Variants in RSL1D1 observed in about 807,000 individuals in gnomAD.
RSL1D1 encodes the protein ribosomal L1 domain-containing protein 1.
Under a neutral mutation model 44.6 loss-of-function variants are expected in RSL1D1, and 34 were observed. That is an observed-to-expected ratio of 0.76 (90% CI 0.58 to 1.02). RSL1D1 has a LOEUF of 1.02. Ranked by LOEUF, RSL1D1 falls within the 50% of genes least tolerant of loss-of-function variation. The probability of loss-of-function intolerance (pLI) is 0.00; values close to 1 mark genes in which losing one functional copy is unlikely to be tolerated. For synonymous variants in RSL1D1, 271 were observed against 207.4 expected, an observed-to-expected ratio of 1.31 and a Z score of -2.63; for missense variants, 767 against 568.1, an observed-to-expected ratio of 1.35 and a Z score of -3.56.
Position 11,851,472 on chromosome 16 carries a change from G to C in RSL1D1, c.41C>G (p.Ala14Gly). 2.5e-6 allele frequency: 4 copies of C among 1,614,082 alleles called. No homozygotes were observed. Among genetic ancestry groups the C allele is most frequent in the Non-Finnish European group, 2.5e-6 (3 of 1,179,986 alleles). ...SASASLSSAA[A>G]TGTSTSTPAA... is the part of the protein sequence containing the mutation. ...TGGAGTCGAGGTGGAGGTTCCAGTA[G>C]CGGCTGCAGAAGACAGCGAGGCCGA... Residue 14 changes from alanine (A) to glycine (G), a missense_variant, in exon 1 of 9, where the codon GCT becomes GGT. Coordinates refer to ENST00000571133, the MANE Select transcript of RSL1D1 (RefSeq NM_015659.3).
intron 1 of RSL1D1, 34 bp from the exon 2 acceptor site, chr16:11,850,452 G>A: frequency 6.3e-7 from 1 of 1,581,082 alleles, no homozygotes; most frequent in Non-Finnish European, 8.6e-7. Context: ...TAAGTGAAAT[G>A]TTTTCACAAT....
chr16:11,842,685 T>G (rs2053770881), intron 5 of RSL1D1, among the ~76,000 whole-genome samples: 1 of 151,942 alleles, frequency 6.6e-6, no homozygotes, highest in Admixed American at 6.6e-5. Flanking sequence ...AAATATGTTT[T>G]AAAGGAAGAT....
chr16:11,846,973 T>C (rs1245920456), intron 3 of RSL1D1, 130 bp from the exon 4 acceptor site: 34 of 760,588 alleles, frequency 4.5e-5, no homozygotes, highest in Non-Finnish European at 6.9e-5. Flanking sequence ...TAATGAACAC[T>C]TGAGGGCCTA....
Position 11,851,435 on chromosome 16 carries a change from T to C in RSL1D1, c.78A>G (p.Thr26=), listed in dbSNP as rs1439319365. ...GTTCTTTATCCAGCTGCTTCCGTGC[T>C]GTCGGGGCCGCTGGAGTCGAGGTGG... ...GTSTSTPAAP[T]ARKQLDKEQV... The change falls in exon 1 of 9, where the codon ACA becomes ACG. Residue 26 remains threonine, a synonymous_variant. Transcript: ENST00000571133. The C allele has an allele frequency of 1.2e-6, 2 of 1,614,020 alleles. No individual in the cohort carries two copies. The highest frequency in any genetic ancestry group is 1.1e-5 in the South Asian group (1 of 91,090).
intron 6 of RSL1D1, 24 bp from the exon 7 acceptor site, chr16:11,841,844 T>C (rs764784833): frequency 6.2e-7 from 1 of 1,612,994 alleles, no homozygotes; most frequent in Non-Finnish European, 8.5e-7. Context: ...AAGAGTAACA[T>C]CGTCTACATA....
At chr16:11,846,975 G>C (rs576553062) in intron 3 of RSL1D1, 132 bp from the exon 4 acceptor site, 1 of 761,208 alleles carries the variant, frequency 1.3e-6, no homozygotes, top group African/African-American at 1.7e-5. Flanking sequence ...ATGAACACTT[G>C]AGGGCCTAAA....
chr16:11,836,223 G>C lies in RSL1D1; in HGVS notation c.*1564C>G, dbSNP rs892033809. On this transcript the variant is annotated 3_prime_UTR_variant, in exon 9 of 9. Transcript: ENST00000571133. ...CGGCCTTCACAGCCTCCACCATCCC[G>C]ATGGTCTGCTGGTCCTACTTCTCTC... is the stretch of plus-strand genomic sequence containing the variant. The C allele has an allele frequency of 2.0e-5, 3 of 152,166 alleles. No individual in the cohort carries two copies. The highest frequency in any genetic ancestry group is 2.1e-4 in the South Asian group (1 of 4,822). 9.4% of individuals were successfully genotyped at this position (152,166 alleles called of 1,614,324 possible).
intron 5 of RSL1D1, 70 bp from the exon 6 acceptor site, chr16:11,842,070 G>A: frequency 1.8e-6 from 2 of 1,100,552 alleles, no homozygotes; most frequent in East Asian, 2.5e-5. Flanking sequence ...GCAGGTATAT[G>A]AGAAATATAA....
intron 2 of RSL1D1, chr16:11,849,482 C>A (rs1260324338): frequency 6.6e-6 from 1 of 151,724 alleles, no homozygotes; most frequent in African/African-American, 2.4e-5. Context: ...CCACATCTTA[C>A]AGAAAATAAA....
At chr16:11,841,551 C>A in intron 7 of RSL1D1, 144 bp downstream of exon 7, 1 of 684,674 alleles carries the variant, frequency 1.5e-6, no homozygotes, top group Non-Finnish European at 2.4e-6. Flanking sequence ...CCCATTTTAC[C>A]TCATGTAAAG....
intron 5 of RSL1D1, among the ~76,000 whole-genome samples, chr16:11,844,947 G>C (rs188254396): frequency 7.2e-5 from 11 of 152,342 alleles, no homozygotes; most frequent in African/African-American, 2.6e-4. Flanking sequence ...CCAGAGGTTG[G>C]AAGCAATCAC....
chr16:11,842,914 C>G (rs1015327971), intron 5 of RSL1D1, among the ~76,000 whole-genome samples: 7 of 133,544 alleles, frequency 5.2e-5, no homozygotes, highest in South Asian at 2.4e-4. Flanking sequence ...TGCCACCACG[C>G]CCAGCTAATT....
intron 2 of RSL1D1, among the ~76,000 whole-genome samples, chr16:11,849,078 A>G (rs991379863): frequency 3.9e-5 from 6 of 152,076 alleles, no homozygotes; most frequent in Non-Finnish European, 7.4e-5. Flanking sequence ...CATGCCCAGC[A>G]TAACATAACT....
At chr16:11,839,014 G>A (rs2053742949) in intron 8 of RSL1D1, among the ~76,000 whole-genome samples, 1 of 152,144 alleles carries the variant, frequency 6.6e-6, no homozygotes, top group African/African-American at 2.4e-5. Flanking sequence ...TCTTCCAAAT[G>A]TAGCTGCACA....
chr16:11,846,187 T>TC (rs1371419536), intron 5 of RSL1D1, among the ~76,000 whole-genome samples: 2 of 151,148 alleles, frequency 1.3e-5, no homozygotes, highest in African/African-American at 4.8e-5. Flanking sequence ...GGTCAGGAGA[T>TC]CGAGATCATC....
Position 11,837,896 on chromosome 16 carries a change from G to T in RSL1D1, c.1364C>A (p.Pro455Gln). Residue 455 changes from proline to glutamine, a missense_variant, in exon 9 of 9, where the codon CCA becomes CAA. Pro to Gln is a moderately conservative substitution (Grantham distance 76). Transcript: ENST00000571133. ...GAAAAACTTGGCCTCTGGCTTTTTT[G>T]GAGTCTGTCTCGCATCTTTTTTCCC... Reference protein sequence around the residue: ...SLGKKDARQTPKKPEAKFFTT... With the variant: ...SLGKKDARQTQKKPEAKFFTT... 6.2e-7 allele frequency: 1 copy of T among 1,613,910 alleles called. No homozygotes were observed. Among genetic ancestry groups the T allele is most frequent in the Non-Finnish European group, 8.5e-7 (1 of 1,179,976 alleles).
chr16:11,836,463 C>T lies in RSL1D1; in HGVS notation c.*1324G>A, dbSNP rs2141249154. On this transcript the variant is annotated 3_prime_UTR_variant, in exon 9 of 9. Transcript: ENST00000571133. ...ACTACTACGGATGCATACCAATTCA[C>T]AACCAGTGAAAGGCCACGTACCTAA... 6.6e-6 allele frequency: 1 copy of T among 152,348 alleles called. No individual in the cohort carries two copies. The highest frequency in any genetic ancestry group is 1.9e-4 in the East Asian group (1 of 5,192). 9.4% of individuals were successfully genotyped at this position (152,348 alleles called of 1,614,324 possible). A position where few individuals can be genotyped will look rare whatever the true frequency, so the allele number is the denominator to read the frequency against.
At position 11,837,718 on chromosome 16, in the gene RSL1D1, C is replaced by G. The variant is rs555157277; in HGVS notation, c.*69G>C. ...GTTTAGAGAAGGTTACAAAGGCGGC[C>G]AGGATCTGAGTATTTCCAAAAAGCT... On this transcript the variant is annotated 3_prime_UTR_variant, in exon 9 of 9. Coordinates refer to ENST00000571133, the MANE Select transcript of RSL1D1 (RefSeq NM_015659.3). The G allele has an allele frequency of 1.7e-4, 238 of 1,374,736 alleles. 4 individuals are homozygous for G. In the South Asian group the frequency reaches 3.0e-3, roughly 17 times the overall value. The allele number at this position is 1,374,736 out of a possible 1,614,324, so 85.2% of individuals were successfully genotyped here.
chr16:11,834,272 T>C lies in RSL1D1; in HGVS notation c.*3515A>G, dbSNP rs1015629421. 1 of 152,204 alleles carries C rather than the reference T, an allele frequency of 6.6e-6. No individual in the cohort carries two copies. The highest frequency in any genetic ancestry group is 2.4e-5 in the African/African-American group (1 of 41,442). The allele number at this position is 152,204 out of a possible 1,614,324, so 9.4% of individuals were successfully genotyped here. A position where few individuals can be genotyped will look rare whatever the true frequency, so the allele number is the denominator to read the frequency against. ...CGATACATAATCAGTACAAACCATA[T>C]ACATACCACCATTTTTCAGTACAGT... On this transcript the variant is annotated 3_prime_UTR_variant, in exon 9 of 9. Transcript: ENST00000571133.
Sources: gnomAD v4.1 joint callset for allele counts (sites outside exome capture counted in the v4.1 genomes callset) on GRCh38, gnomAD v4.1.1 for gene constraint, MANE v1.5 for transcripts, NCBI Gene and HGNC (gene_info 2026-07-23, HGNC 2026-07-21) for gene names.